ERG: variants seen among roughly 807,000 people sequenced by gnomAD.
The protein encoded by ERG is ETS transcription factor ERG, also known as transcriptional regulator ERG.
ERG carries 9 observed loss-of-function variants against 55.3 expected under a neutral mutation model. That is an observed-to-expected ratio of 0.16 (90% CI 0.10 to 0.28). ERG has a LOEUF of 0.28. Among genes scored for constraint, ERG ranks in the 10% least tolerant of loss-of-function variants. The probability of loss-of-function intolerance (pLI) is 1.00; values close to 1 mark genes in which losing one functional copy is unlikely to be tolerated. For synonymous variants in ERG, 223 were observed against 237.3 expected, an observed-to-expected ratio of 0.94 and a Z score of 0.55; for missense variants, 434 against 631.6, an observed-to-expected ratio of 0.69 and a Z score of 3.35.
At chr21:38,386,269 A>T (rs1056999589) in intron 9 of ERG, among the ~76,000 whole-genome samples, 3 of 152,260 alleles carry the variant, frequency 2.0e-5, no homozygotes, top group African/African-American at 4.8e-5. Flanking sequence ...GTCTATAGAA[A>T]TAAGAGAACT....
chr21:38,559,296 T>C (rs1488102910), intron 2 of ERG, among the ~76,000 whole-genome samples: 2 of 151,684 alleles, frequency 1.3e-5, no homozygotes, highest in East Asian at 1.9e-4. Context: ...TGCCTGCTGA[T>C]GACCCATTCT....
intron 2 of ERG, among the ~76,000 whole-genome samples, chr21:38,543,618 G>A (rs2146801508): frequency 6.6e-6 from 1 of 151,982 alleles, no homozygotes; most frequent in East Asian, 1.9e-4. Flanking sequence ...TGCTCTTGTG[G>A]AGTTCCCTTC....
chr21:38,536,262 A>G (rs911786143), intron 2 of ERG, among the ~76,000 whole-genome samples: 3 of 150,578 alleles, frequency 2.0e-5, no homozygotes, highest in African/African-American at 7.3e-5. Context: ...TCATCAAGCC[A>G]TATCTCCACC....
Position 38,383,098 on chromosome 21 carries a change from T to G in ERG, c.*305A>C. 2 of 1,137,862 alleles carry G rather than the reference T, an allele frequency of 1.8e-6. No homozygotes were observed. Among genetic ancestry groups the G allele is most frequent in the Non-Finnish European group, 2.2e-6 (2 of 927,902 alleles). 70.5% of individuals were successfully genotyped at this position (1,137,862 alleles called of 1,614,324 possible). Reference sequence around the variant, plus strand: ...TCTACTCTAAAGTTTATACATTTCTTAAGACCACTTTCTTTGGCACTTTGT... The same window carrying G: ...TCTACTCTAAAGTTTATACATTTCTGAAGACCACTTTCTTTGGCACTTTGT... On this transcript the variant is annotated 3_prime_UTR_variant, in exon 10 of 10. Coordinates refer to ENST00000288319, the MANE Select transcript of ERG (RefSeq NM_182918.4). This position sits in a 1 kb window ranked among gnomAD's most constrained non-coding sequence, Gnocchi z 5.7.
intron 1 of ERG, among the ~76,000 whole-genome samples, chr21:38,496,784 T>G (rs2059383085): frequency 6.6e-6 from 1 of 152,242 alleles, no homozygotes. Flanking sequence ...TTGGATGTTT[T>G]GCAAAATGTA....
chr21:38,414,876 G>GT (rs1694941986), intron 3 of ERG, among the ~76,000 whole-genome samples: 1 of 151,884 alleles, frequency 6.6e-6, no homozygotes, highest in Non-Finnish European at 1.5e-5. Context: ...AATCTAAGCT[G>GT]TCTTCAATTC....
chr21:38,623,231 ACAC>A lies in ERG; in HGVS notation c.-149-38289_-149-38287del, dbSNP rs1395638415. Among the ~76,000 whole-genome samples, 21 of 150,872 alleles carry A rather than the reference ACAC, an allele frequency of 1.4e-4. No individual in the cohort carries two copies. The East Asian group carries it at 4.0e-3, about 28-fold the overall frequency. On this transcript the variant is annotated intron_variant, in intron 1 of 10. Transcript: ENST00000398910. ...AATAACACACATCACACACACACAG[ACAC>A]CATGCATACACACCACAGAGCACAC... is the stretch of plus-strand genomic sequence containing the variant.
At chr21:38,584,845 T>A (rs142474291) in exon 1 of ERG, 6 of 152,370 alleles carry the variant, frequency 3.9e-5, no homozygotes, top group Non-Finnish European at 4.4e-5. Context: ...TCATTTTACC[T>A]TTAGTTGCCC....
intron 1 of ERG, among the ~76,000 whole-genome samples, chr21:38,492,310 A>G (rs971957286): frequency 5.9e-5 from 9 of 152,234 alleles, no homozygotes; most frequent in Non-Finnish European, 1.3e-4. Flanking sequence ...GGATGATGTT[A>G]GTTTGGATTA....
At chr21:38,630,254 A>C (rs1837445885) in intron 1 of ERG, among the ~76,000 whole-genome samples, 1 of 152,210 alleles carries the variant, frequency 6.6e-6, no homozygotes, top group African/African-American at 2.4e-5. Flanking sequence ...GATAAATGAT[A>C]AAATTTATAT....
intron 1 of ERG, among the ~76,000 whole-genome samples, chr21:38,582,778 G>A (rs570455133): frequency 6.6e-6 from 1 of 151,520 alleles, no homozygotes; most frequent in South Asian, 2.1e-4. Context: ...ACGGAGTCTT[G>A]CTCTGTCGCC....
chr21:38,519,157 ACT>A (rs1397637589), intron 2 of ERG, among the ~76,000 whole-genome samples: 5 of 152,142 alleles, frequency 3.3e-5, no homozygotes, highest in Non-Finnish European at 7.4e-5. Context: ...AGCAATAAGA[ACT>A]CTCACACACA....
intron 1 of ERG, among the ~76,000 whole-genome samples, chr21:38,468,453 G>T (rs983770911): frequency 2.0e-5 from 3 of 152,160 alleles, no homozygotes; most frequent in African/African-American, 7.2e-5. Context: ...TTCCCATAGT[G>T]CTGGCCTCAA....
intron 1 of ERG, among the ~76,000 whole-genome samples, chr21:38,622,225 G>C (rs564797814): frequency 6.6e-6 from 1 of 152,176 alleles, no homozygotes; most frequent in Non-Finnish European, 1.5e-5. Context: ...ACGTGTAAAC[G>C]TAACTCACCA....
rs182654799 is a variant in ERG, at chr21:38,657,512, T to C, written c.-150+4146A>G. Among the ~76,000 whole-genome samples the C allele has an allele frequency of 7.8e-3, 1,190 of 152,316 alleles. 7 individuals carry two copies. Among genetic ancestry groups the C allele is most frequent in the Admixed American group, 0.014 (212 of 15,302 alleles). ...CCCTCCTTCACTACCTTCACTAGAC[T>C]TTGCAATGTTACAAACATGAAGCAT... On this transcript the variant is annotated intron_variant, in intron 1 of 10. Coordinates refer to the ERG transcript ENST00000398910.
intron 1 of ERG, among the ~76,000 whole-genome samples, chr21:38,491,604 T>C (rs1054929703): frequency 6.6e-6 from 1 of 152,256 alleles, no homozygotes; most frequent in African/African-American, 2.4e-5. Context: ...TCATTTTGCT[T>C]GGCCTTAGCA....
chr21:38,594,336 G>A (rs747628973), intron 1 of ERG, among the ~76,000 whole-genome samples: 7 of 152,116 alleles, frequency 4.6e-5, no homozygotes, highest in African/African-American at 1.2e-4. Context: ...ATGCTTCCCC[G>A]ACACTCAGGA....
chr21:38,502,051 T>C (rs1273400416), upstream of ERG, among the ~76,000 whole-genome samples: 2 of 152,216 alleles, frequency 1.3e-5, no homozygotes, highest in African/African-American at 2.4e-5. Context: ...ACACTCTGAA[T>C]GACAGCCACA....
chr21:38,586,209 ATATATATATATATATATATATATATAC>A, upstream of ERG, among the ~76,000 whole-genome samples: 2 of 45,370 alleles, frequency 4.4e-5, no homozygotes, highest in East Asian at 8.7e-4. Context: ...ATATATATAT[ATATATATATATATATATATATATATAC>A]ATGTTGGAAT....
Sources: allele counts gnomAD v4.1 joint callset (sites outside exome capture counted in the v4.1 genomes callset), GRCh38; gene constraint gnomAD v4.1.1; non-coding constraint Gnocchi (gnomAD v3.1); transcripts MANE v1.5; gene names NCBI Gene and HGNC (gene_info 2026-07-23, HGNC 2026-07-21).